ERC1: variants seen among roughly 807,000 people sequenced by gnomAD.
ERC1 encodes the protein RAB6 interacting protein 2.
In ERC1, 56 loss-of-function variants were observed where a neutral mutation model predicts 132.0. The ratio of observed to expected loss-of-function variants is 0.42; its 90% CI spans 0.34 to 0.53. ERC1 has a LOEUF of 0.53. Ranked by LOEUF, ERC1 falls within the 20% of genes least tolerant of loss-of-function variation. The pLI is 0.03. For missense variants in ERC1, 1,202 were observed against 1,349.9 expected, an observed-to-expected ratio of 0.89 and a Z score of 1.72; for synonymous variants, 478 against 476.1, an observed-to-expected ratio of 1.00 and a Z score of -0.05.
intron 2 of ERC1, among the ~76,000 whole-genome samples, chr12:1,042,273 G>A (rs1294252384): frequency 6.6e-6 from 1 of 151,524 alleles, no homozygotes; most frequent in African/African-American, 2.4e-5. Flanking sequence ...TCCAGACCTG[G>A]TGATCTGCCC....
intron 1 of ERC1, among the ~76,000 whole-genome samples, chr12:1,003,233 A>G (rs1488901179): frequency 1.3e-5 from 2 of 152,030 alleles, no homozygotes; most frequent in Non-Finnish European, 2.9e-5. Context: ...GACTAATTCA[A>G]TATGATATCC....
At chr12:1,073,946 A>C (rs1394260521) in intron 2 of ERC1, among the ~76,000 whole-genome samples, 1 of 129,622 alleles carries the variant, frequency 7.7e-6, no homozygotes, top group Non-Finnish European at 1.5e-5. Context: ...CACTCACTGC[A>C]ACCTCCGCCT....
chr12:1,418,591 CTT>C (rs2092247254), intron 17 of ERC1, among the ~76,000 whole-genome samples: 199 of 20,944 alleles, frequency 9.5e-3, no homozygotes, highest in Non-Finnish European at 0.019. Flanking sequence ...CTTTCTTTCT[CTT>C]TCTTTCTTTC....
chr12:1,266,975 A>T (rs970185136), intron 14 of ERC1, among the ~76,000 whole-genome samples: 2 of 152,244 alleles, frequency 1.3e-5, no homozygotes, highest in Non-Finnish European at 2.9e-5. Flanking sequence ...AGCTCTTATT[A>T]AAATAAGATG....
chr12:1,158,261 T>A (rs1951576780), intron 8 of ERC1, among the ~76,000 whole-genome samples: 1 of 152,202 alleles, frequency 6.6e-6, no homozygotes. Flanking sequence ...TTGTTATATT[T>A]TGCTGAGTTC....
At chr12:1,440,329 C>A (rs568619108) in intron 17 of ERC1, among the ~76,000 whole-genome samples, 1 of 148,048 alleles carries the variant, frequency 6.8e-6, no homozygotes, top group African/African-American at 2.5e-5. Flanking sequence ...CTCAGCCTCC[C>A]GAGTAGCTGG....
intron 2 of ERC1, among the ~76,000 whole-genome samples, chr12:1,049,616 G>A (rs1019531316): frequency 3.3e-5 from 5 of 152,138 alleles, no homozygotes; most frequent in Non-Finnish European, 7.4e-5. Context: ...CCTCAGTCTA[G>A]TGAGGGGATT....
At chr12:1,279,194 A>G (rs1387372305) in intron 14 of ERC1, among the ~76,000 whole-genome samples, 1 of 152,166 alleles carries the variant, frequency 6.6e-6, no homozygotes, top group African/African-American at 2.4e-5. Context: ...GAGTTGACAG[A>G]AGCTTTAACG....
rs1284580094 is a variant in ERC1 at position 1,440,458 on chromosome 12, G to A, written c.3025-4104G>A. Among the ~76,000 whole-genome samples the A allele has an allele frequency of 1.9e-4, 29 of 148,894 alleles. 1 individual carries two copies. Among genetic ancestry groups the A allele is most frequent in the South Asian group, 8.5e-4 (4 of 4,724 alleles). ...CCTGACCTCGTGATCTGCCCTCCTT[G>A]GCCTCCCAAAGTGCTGCGATTACAG... On this transcript the variant is annotated intron_variant, in intron 17 of 18. Transcript: ENST00000360905.
chr12:1,195,616 A>T (rs908534240), intron 12 of ERC1, among the ~76,000 whole-genome samples: 1 of 152,198 alleles, frequency 6.6e-6, no homozygotes, highest in Non-Finnish European at 1.5e-5. Context: ...CCTGAACATT[A>T]TCTTGTCGGG....
At position 1,180,671 on chromosome 12, in the gene ERC1, A is replaced by C; in HGVS notation, c.1869A>C (p.Ala623=). ...TGACAACTTTGGAGGAGGCCCTTGC[A>C]GAGAAAGTGAGTGGCTGGCCCCAAC... The part of the protein sequence containing the change: ...TALTTLEEAL[A]EKERTIERLK... Residue 623 remains alanine (A), a synonymous_variant, in exon 9 of 19, where the codon GCA becomes GCC. Transcript: ENST00000360905. 1 of 1,614,054 alleles carries C rather than the reference A, an allele frequency of 6.2e-7. No individual in the cohort carries two copies. Among genetic ancestry groups the C allele is most frequent in the Non-Finnish European group, 8.5e-7 (1 of 1,180,026 alleles).
At chr12:1,257,155 C>G (rs577463457) in intron 13 of ERC1, 1 of 140,604 alleles carries the variant, frequency 7.1e-6, no homozygotes, top group African/African-American at 2.8e-5. Flanking sequence ...GAGAGCCAGC[C>G]TCCGTGTTGT....
At chr12:1,389,300 C>G (rs1255322763) in intron 16 of ERC1, among the ~76,000 whole-genome samples, 1 of 152,124 alleles carries the variant, frequency 6.6e-6, no homozygotes, top group African/African-American at 2.4e-5. Flanking sequence ...AAGATGAGAG[C>G]TAGAAATGAT....
At chr12:1,031,005 T>G (rs1193764361) in intron 2 of ERC1, among the ~76,000 whole-genome samples, 1 of 152,158 alleles carries the variant, frequency 6.6e-6, no homozygotes, top group Non-Finnish European at 1.5e-5. Flanking sequence ...TTAAGCAACA[T>G]ATGACTGTAA....
intron 14 of ERC1, among the ~76,000 whole-genome samples, chr12:1,265,235 A>T (rs1424527489): frequency 6.6e-6 from 1 of 152,030 alleles, no homozygotes; most frequent in Non-Finnish European, 1.5e-5. Flanking sequence ...TCAAAGAAAG[A>T]TTTTTCTTCT....
At position 1,031,727 on chromosome 12, in the gene ERC1, T is replaced by C. The variant is rs139038084; in HGVS notation, c.669+3155T>C. ...CTTCTTTAAAGAAGAGAAATTGTCCTTTAAAAAATATTCCTTAGAAAGTTC... is the reference window on the plus strand; with the variant it reads ...CTTCTTTAAAGAAGAGAAATTGTCCCTTAAAAAATATTCCTTAGAAAGTTC... On this transcript the variant is annotated intron_variant, in intron 2 of 18. Transcript: ENST00000360905. Among the ~76,000 whole-genome samples, 596 of 152,302 alleles carry C rather than the reference T, an allele frequency of 3.9e-3. 9 individuals carry two copies. Among genetic ancestry groups the C allele is most frequent in the African/African-American group, 0.014 (578 of 41,574 alleles).
At chr12:1,037,770 C>T (rs930340611) in intron 2 of ERC1, among the ~76,000 whole-genome samples, 14 of 151,998 alleles carry the variant, frequency 9.2e-5, no homozygotes, top group African/African-American at 2.9e-4. Flanking sequence ...TCCGGCCTGG[C>T]GCAGTGGCTC....
chr12:1,212,149 A>G (rs1009229765), intron 12 of ERC1, among the ~76,000 whole-genome samples: 4 of 152,112 alleles, frequency 2.6e-5, no homozygotes, highest in African/African-American at 9.7e-5. Flanking sequence ...TACTTTGGGT[A>G]AGCTACGCAT....
intron 8 of ERC1, among the ~76,000 whole-genome samples, chr12:1,168,082 C>T (rs1566130713): frequency 1.3e-5 from 2 of 152,068 alleles, no homozygotes; most frequent in African/African-American, 4.8e-5. Context: ...TTCATTGCAT[C>T]CCATTCAGGC....
Sources: gnomAD v4.1 joint callset for allele counts (sites outside exome capture counted in the v4.1 genomes callset) on GRCh38, gnomAD v4.1.1 for gene constraint, MANE v1.5 for transcripts, NCBI Gene and HGNC (gene_info 2026-07-23, HGNC 2026-07-21) for gene names.